Variants in CNTN4 observed in about 807,000 individuals in gnomAD.
The protein encoded by CNTN4 is contactin 4, also known as contactin-4.
CNTN4 carries 77 observed loss-of-function variants against 122.5 expected under a neutral mutation model. The observed-to-expected ratio is 0.63, with a 90% CI of 0.52 to 0.76. The LOEUF (loss-of-function observed/expected upper bound fraction) is 0.76, where lower values mean the gene tolerates loss of function less well. Among genes scored for constraint, CNTN4 ranks in the 30% least tolerant of loss-of-function variants. CNTN4 has a pLI of 0.00. For synonymous variants in CNTN4, 512 were observed against 447.0 expected, an observed-to-expected ratio of 1.15 and a Z score of -1.83; for missense variants, 1,256 against 1,259.1, an observed-to-expected ratio of 1.00 and a Z score of 0.04.
intron 10 of CNTN4, among the ~76,000 whole-genome samples, chr3:2,898,008 A>T (rs2094133621): frequency 6.6e-6 from 1 of 152,156 alleles, no homozygotes; most frequent in Admixed American, 6.6e-5. Context: ...ACTTTGAACT[A>T]GGTAACCCCC....
intron 4 of CNTN4, among the ~76,000 whole-genome samples, chr3:2,672,693 A>G (rs2084601710): frequency 6.6e-6 from 1 of 152,172 alleles, no homozygotes; most frequent in South Asian, 2.1e-4. Flanking sequence ...TGTGTTGCTC[A>G]CACTGGGAGC....
chr3:2,762,905 T>A (rs2090654282), intron 6 of CNTN4, among the ~76,000 whole-genome samples: 1 of 151,890 alleles, frequency 6.6e-6, no homozygotes, highest in South Asian at 2.1e-4. Context: ...GTGGTTTTGA[T>A]TTGCATTTTT....
intron 2 of CNTN4, among the ~76,000 whole-genome samples, chr3:2,228,103 C>G (rs2039352576): frequency 2.0e-5 from 3 of 151,862 alleles, no homozygotes; most frequent in South Asian, 4.1e-4. Flanking sequence ...TAAAGCATTT[C>G]TAGTTACAAG....
chr3:2,870,175 C>A (rs932948198), intron 8 of CNTN4, among the ~76,000 whole-genome samples: 1 of 152,214 alleles, frequency 6.6e-6, no homozygotes, highest in African/African-American at 2.4e-5. Context: ...ATGTACACTT[C>A]AAACTGGCAA....
intron 2 of CNTN4, among the ~76,000 whole-genome samples, chr3:2,201,217 T>G (rs1490838561): frequency 6.6e-6 from 1 of 152,120 alleles, no homozygotes; most frequent in Non-Finnish European, 1.5e-5. Flanking sequence ...GACCTTAAAA[T>G]GAGGGAAACA....
chr3:3,008,912 T>C, intron 14 of CNTN4: 1 of 982,172 alleles, frequency 1.0e-6, no homozygotes, highest in Non-Finnish European at 1.2e-6. Context: ...CACCAAGATC[T>C]AATAAGCTGT....
chr3:2,746,202 T>C (rs2089762584), intron 6 of CNTN4, among the ~76,000 whole-genome samples: 2 of 151,536 alleles, frequency 1.3e-5, no homozygotes, highest in South Asian at 4.2e-4. Context: ...AAGGTGAGAG[T>C]TGGAAAAAAA....
chr3:3,030,009 G>A (rs896385653), intron 15 of CNTN4, among the ~76,000 whole-genome samples: 1 of 152,126 alleles, frequency 6.6e-6, no homozygotes, highest in Admixed American at 6.6e-5. Flanking sequence ...ATCCATTACG[G>A]GTTTAGAATG....
intron 12 of CNTN4, among the ~76,000 whole-genome samples, chr3:2,921,809 C>A (rs2094432182): frequency 6.6e-6 from 1 of 152,138 alleles, no homozygotes; most frequent in Non-Finnish European, 1.5e-5. Context: ...AGAAATGACA[C>A]TAAAGCAAAA....
chr3:2,393,918 T>C (rs2046537499), intron 3 of CNTN4, among the ~76,000 whole-genome samples: 1 of 152,154 alleles, frequency 6.6e-6, no homozygotes, highest in African/African-American at 2.4e-5. Flanking sequence ...ATATCAATTA[T>C]CTGTTTTAAT....
chr3:2,113,837 G>T (rs2033145498), intron 2 of CNTN4, among the ~76,000 whole-genome samples: 1 of 152,192 alleles, frequency 6.6e-6, no homozygotes, highest in Non-Finnish European at 1.5e-5. Flanking sequence ...CCTTGGTGGT[G>T]AAATAACTCA....
chr3:2,689,351 T>C (rs143936679), intron 4 of CNTN4, among the ~76,000 whole-genome samples: 1 of 152,230 alleles, frequency 6.6e-6, no homozygotes, highest in Non-Finnish European at 1.5e-5. Context: ...ACTGAAGTTA[T>C]AACATCAGTA....
intron 4 of CNTN4, among the ~76,000 whole-genome samples, chr3:2,589,875 G>A (rs2080383345): frequency 6.6e-6 from 1 of 152,182 alleles, no homozygotes; most frequent in Non-Finnish European, 1.5e-5. Context: ...CTCAGCAGAT[G>A]ATCCAGAGAG....
intron 2 of CNTN4, among the ~76,000 whole-genome samples, chr3:2,122,714 C>T (rs2033883237): frequency 6.6e-6 from 1 of 152,166 alleles, no homozygotes; most frequent in African/African-American, 2.4e-5. Flanking sequence ...TCATAATTTA[C>T]ATTCTCAAAA....
At chr3:2,809,964 C>A (rs1014685170) in intron 6 of CNTN4, among the ~76,000 whole-genome samples, 1 of 152,102 alleles carries the variant, frequency 6.6e-6, no homozygotes, top group African/African-American at 2.4e-5. Flanking sequence ...TGTAAGCTCC[C>A]AGAGAAAAGG....
chr3:2,460,094 C>G lies in CNTN4; in HGVS notation c.-88-111322C>G, dbSNP rs115868763. Among the ~76,000 whole-genome samples, 921 of 152,100 alleles carry G rather than the reference C, an allele frequency of 6.1e-3. 9 individuals are homozygous for G. The highest frequency in any genetic ancestry group is 0.021 in the African/African-American group (888 of 41,488). ...GGTCACATTTCCCTCTGATAGATCT[C>G]TAATATAGCAGGTGTAGAGTTAAAG... is the stretch of plus-strand genomic sequence containing the variant. On this transcript the variant is annotated intron_variant, in intron 3 of 24. Coordinates refer to ENST00000418658, the MANE Select transcript of CNTN4 (RefSeq NM_175607.3).
intron 3 of CNTN4, among the ~76,000 whole-genome samples, chr3:2,479,726 G>T (rs556956226): frequency 6.0e-4 from 92 of 152,236 alleles, no homozygotes; most frequent in African/African-American, 2.1e-3. Flanking sequence ...TCTTGCTTCC[G>T]CTGTTCTTCA....
At chr3:2,624,249 C>G (rs2082097364) in intron 4 of CNTN4, among the ~76,000 whole-genome samples, 1 of 152,074 alleles carries the variant, frequency 6.6e-6, no homozygotes, top group African/African-American at 2.4e-5. Flanking sequence ...TAGGTTTCAC[C>G]AGTACACTAA....
At chr3:2,517,643 A>G (rs1210559801) in intron 3 of CNTN4, among the ~76,000 whole-genome samples, 2 of 152,184 alleles carry the variant, frequency 1.3e-5, no homozygotes, top group Non-Finnish European at 2.9e-5. Context: ...AAGCATTTAG[A>G]TAAATAACCT....
Sources: allele counts gnomAD v4.1 joint callset (sites outside exome capture counted in the v4.1 genomes callset), GRCh38; gene constraint gnomAD v4.1.1; transcripts MANE v1.5; gene names NCBI Gene and HGNC (gene_info 2026-07-23, HGNC 2026-07-21).